The following SYNPR variants were observed in gnomAD, a reference collection of about 807,000 sequenced individuals.
The protein encoded by SYNPR is synaptoporin.
A neutral mutation model predicts 32.9 loss-of-function variants in SYNPR; 23 were observed. The observed-to-expected ratio is 0.70, with a 90% CI of 0.50 to 0.99. The LOEUF is 0.99. Ranked by LOEUF, SYNPR falls within the 50% of genes least tolerant of loss-of-function variation. SYNPR has a pLI of 0.00. For synonymous variants in SYNPR, 146 were observed against 135.9 expected (o/e 1.07, Z -0.52); for missense variants, 318 against 349.3 (o/e 0.91, Z 0.71).
At chr3:63,581,183 T>A (rs1703083425) in intron 4 of SYNPR, among the ~76,000 whole-genome samples, 1 of 152,142 alleles carries the variant, frequency 6.6e-6, no homozygotes, top group South Asian at 2.1e-4. Context: ...AAAAGCTCCA[T>A]ACTAAATCAG....
intron 2 of SYNPR, among the ~76,000 whole-genome samples, chr3:63,356,381 G>A (rs1263130295): frequency 6.6e-6 from 1 of 152,180 alleles, no homozygotes; most frequent in Non-Finnish European, 1.5e-5. Context: ...CAATATCATG[G>A]CATTTATTAA....
At chr3:63,484,802 A>G (rs1411115080) in intron 3 of SYNPR, among the ~76,000 whole-genome samples, 2 of 152,212 alleles carry the variant, frequency 1.3e-5, no homozygotes, top group Non-Finnish European at 2.9e-5. Context: ...TTGAATAAAA[A>G]CAAGAAGAAA....
At chr3:63,566,086 A>G (rs13316713) in intron 4 of SYNPR, among the ~76,000 whole-genome samples, 1,648 of 152,308 alleles carry the variant, frequency 0.011, 28 homozygotes, top group African/African-American at 0.037. Context: ...GATGTTACTC[A>G]TCAAAGAACT....
chr3:63,472,727 T>C (rs1224597252), intron 2 of SYNPR, among the ~76,000 whole-genome samples: 3 of 152,154 alleles, frequency 2.0e-5, no homozygotes, highest in Non-Finnish European at 2.9e-5. Flanking sequence ...CTTCCGCCAA[T>C]CCACTTACCA....
chr3:63,522,079 A>G (rs1701927169), intron 3 of SYNPR, among the ~76,000 whole-genome samples: 1 of 152,220 alleles, frequency 6.6e-6, no homozygotes, highest in Non-Finnish European at 1.5e-5. Context: ...GTCAAATTTA[A>G]TTTAAGAATA....
intron 2 of SYNPR, among the ~76,000 whole-genome samples, chr3:63,374,265 T>C (rs957233934): frequency 6.6e-6 from 1 of 151,632 alleles, no homozygotes; most frequent in African/African-American, 2.4e-5. Context: ...TGTTGAATTT[T>C]ATCCAAATCC....
At chr3:63,480,511 T>C (rs1701025116) in intron 2 of SYNPR, among the ~76,000 whole-genome samples, 1 of 152,206 alleles carries the variant, frequency 6.6e-6, no homozygotes, top group Admixed American at 6.5e-5. Context: ...TGTAGTGCTA[T>C]CCAGGCCTTT....
intron 2 of SYNPR, among the ~76,000 whole-genome samples, chr3:63,309,112 C>T (rs961156949): frequency 6.6e-6 from 1 of 151,918 alleles, no homozygotes; most frequent in African/African-American, 2.4e-5. Context: ...TTTTCTTCTA[C>T]ACTTCTAATC....
At chr3:63,595,646 A>C (rs563900085) in intron 4 of SYNPR, among the ~76,000 whole-genome samples, 1 of 142,536 alleles carries the variant, frequency 7.0e-6, no homozygotes, top group Non-Finnish European at 1.5e-5. Flanking sequence ...GAAATGGTGC[A>C]TATAGAGCAT....
chr3:63,529,994 A>T (rs1362715732), intron 3 of SYNPR, among the ~76,000 whole-genome samples: 1 of 152,150 alleles, frequency 6.6e-6, no homozygotes. Context: ...ATAGTCCAGC[A>T]GCTAGCGGGA....
chr3:63,421,194 A>T (rs141445059), intron 2 of SYNPR, among the ~76,000 whole-genome samples: 14 of 152,318 alleles, frequency 9.2e-5, no homozygotes, highest in African/African-American at 3.1e-4. Flanking sequence ...CTAATAGGCA[A>T]TTCACAAGAG....
chr3:63,354,335 C>T (rs1444393076), intron 2 of SYNPR, among the ~76,000 whole-genome samples: 5 of 152,186 alleles, frequency 3.3e-5, no homozygotes, highest in African/African-American at 9.7e-5. Flanking sequence ...CCAGTGGATC[C>T]GTCCACATCA....
intron 2 of SYNPR, among the ~76,000 whole-genome samples, chr3:63,261,851 G>A (rs1022685427): frequency 6.6e-6 from 1 of 151,430 alleles, no homozygotes; most frequent in African/African-American, 2.4e-5. Flanking sequence ...CATAGGAAGG[G>A]GAACATCACA....
In SYNPR at chr3:63,254,085, G is replaced by C. The variant is rs4618216; in HGVS notation, n.154+1499G>C. Among the ~76,000 whole-genome samples the C allele has an allele frequency of 2.9e-3, 436 of 151,934 alleles. 2 individuals carry two copies. Among genetic ancestry groups the C allele is most frequent in the African/African-American group, 0.01 (416 of 41,440 alleles). Reference sequence around the variant, plus strand: ...CGCAAGGACAAAAAAACCAAACACCGCATGTTCTCACTCATAGGTGGGAAT... The same window carrying C: ...CGCAAGGACAAAAAAACCAAACACCCCATGTTCTCACTCATAGGTGGGAAT... On this transcript the variant is annotated intron_variant and non_coding_transcript_variant, in intron 2 of 4. Coordinates refer to the SYNPR transcript ENST00000478456.
intron 5 of SYNPR, among the ~76,000 whole-genome samples, chr3:63,614,148 A>G (rs1253101974): frequency 1.3e-5 from 2 of 152,182 alleles, no homozygotes; most frequent in Non-Finnish European, 2.9e-5. Context: ...CCACTGCCCA[A>G]GTCCATTTTG....
At chr3:63,329,078 A>G (rs968221146) in intron 2 of SYNPR, among the ~76,000 whole-genome samples, 3 of 152,206 alleles carry the variant, frequency 2.0e-5, no homozygotes, top group African/African-American at 7.2e-5. Context: ...ACTATTATCA[A>G]CGAGCCAAGA....
chr3:63,415,477 G>A (rs997555725), intron 2 of SYNPR, among the ~76,000 whole-genome samples: 3 of 151,878 alleles, frequency 2.0e-5, no homozygotes, highest in African/African-American at 7.3e-5. Flanking sequence ...ATATGTGACA[G>A]ATCATATGTG....
intron 2 of SYNPR, among the ~76,000 whole-genome samples, chr3:63,367,815 T>C (rs2087746384): frequency 6.6e-6 from 1 of 152,188 alleles, no homozygotes; most frequent in Admixed American, 6.5e-5. Flanking sequence ...TTTCTTCCCA[T>C]TTCCCCAGAT....
intron 2 of SYNPR, among the ~76,000 whole-genome samples, chr3:63,399,159 C>T (rs2088257032): frequency 6.6e-6 from 1 of 152,140 alleles, no homozygotes; most frequent in Admixed American, 6.5e-5. Flanking sequence ...GGACTTTGCA[C>T]CATTTAAGAT....
Sources: allele counts gnomAD v4.1 joint callset (sites outside exome capture counted in the v4.1 genomes callset), GRCh38; gene constraint gnomAD v4.1.1; transcripts MANE v1.5; gene names NCBI Gene and HGNC (gene_info 2026-07-23, HGNC 2026-07-21).